The following PCSK6 variants were observed in gnomAD, a reference collection of about 807,000 sequenced individuals.
PCSK6 encodes the protein proprotein convertase subtilisin/kexin type 6.
A neutral mutation model predicts 123.3 loss-of-function variants in PCSK6; 85 were observed. The ratio of observed to expected loss-of-function variants is 0.69; its 90% CI spans 0.58 to 0.83. PCSK6 has a LOEUF of 0.83. Among genes scored for constraint, PCSK6 ranks in the 40% least tolerant of loss-of-function variants. PCSK6 has a pLI of 0.00. For synonymous variants in PCSK6, 508 were observed against 516.0 expected, an observed-to-expected ratio of 0.98 and a Z score of 0.21; for missense variants, 1,191 against 1,282.3, an observed-to-expected ratio of 0.93 and a Z score of 1.09.
At chr15:101,388,097 C>CA (rs2042122622) in intron 9 of PCSK6, among the ~76,000 whole-genome samples, 1 of 152,110 alleles carries the variant, frequency 6.6e-6, no homozygotes. Context: ...TGCATGTTTC[C>CA]AATAAGGAAT....
chr15:101,338,268 A>G (rs1273183625), intron 13 of PCSK6, among the ~76,000 whole-genome samples: 1 of 152,186 alleles, frequency 6.6e-6, no homozygotes, highest in South Asian at 2.1e-4. Flanking sequence ...GTGACTTAGG[A>G]TAACAGACTA....
chr15:101,489,132 T>G (rs1174269774), intron 1 of PCSK6, among the ~76,000 whole-genome samples: 1 of 142,610 alleles, frequency 7.0e-6, no homozygotes, highest in Non-Finnish European at 1.5e-5. Flanking sequence ...GCGCCGGACC[T>G]GCGTGGGCGC....
intron 10 of PCSK6, among the ~76,000 whole-genome samples, chr15:101,383,303 A>T (rs767671325): frequency 1.6e-4 from 24 of 148,994 alleles, no homozygotes; most frequent in Non-Finnish European, 3.4e-4. Context: ...GCTACTCGGG[A>T]GGGATTATTT....
Position 101,489,533 on chromosome 15 carries a change from C to G in PCSK6, c.138G>C (p.Pro46=). The G allele has an allele frequency of 2.0e-6, 2 of 1,007,544 alleles. No individual in the cohort carries two copies. Among genetic ancestry groups the G allele is most frequent in the Non-Finnish European group, 2.4e-6 (2 of 846,972 alleles). The allele number at this position is 1,007,544 out of a possible 1,614,324, so 62.4% of individuals were successfully genotyped here. The change falls in exon 1 of 22, where the codon CCG becomes CCC. Residue 46 remains proline (P), a synonymous_variant. Transcript: ENST00000611716. ...GCAGCAGCAGCCAGCGCCAGGGACG[C>G]GGCGCGAGCGGCCGGAACCCGGGCC... ...AGGPGFRPLA[P]RPWRWLLLLA...
intron 13 of PCSK6, among the ~76,000 whole-genome samples, chr15:101,333,401 C>A (rs547140550): frequency 2.6e-5 from 4 of 152,354 alleles, no homozygotes; most frequent in African/African-American, 9.6e-5. Context: ...CTGTCTCCTG[C>A]GACCCAAGCT....
intron 9 of PCSK6, among the ~76,000 whole-genome samples, 155 bp downstream of exon 9, chr15:101,389,309 T>C (rs2042157422): frequency 6.6e-6 from 1 of 152,224 alleles, no homozygotes; most frequent in Non-Finnish European, 1.5e-5. Context: ...GACGAAGCTC[T>C]GGGAGAGGGA....
intron 6 of PCSK6, among the ~76,000 whole-genome samples, chr15:101,401,526 A>T (rs1282005633): frequency 6.6e-6 from 1 of 152,164 alleles, no homozygotes; most frequent in African/African-American, 2.4e-5. Context: ...TGTCACTCAC[A>T]GTGAGCCTCG....
chr15:101,341,633 C>T (rs1032419914), intron 13 of PCSK6, among the ~76,000 whole-genome samples: 2 of 152,152 alleles, frequency 1.3e-5, no homozygotes, highest in Non-Finnish European at 2.9e-5. Flanking sequence ...GTGAAAATAC[C>T]ATTCAAAAAT....
chr15:101,383,590 T>A (rs1293052060), intron 10 of PCSK6, among the ~76,000 whole-genome samples: 3 of 152,046 alleles, frequency 2.0e-5, no homozygotes, highest in African/African-American at 7.2e-5. Context: ...GTCCTATGAT[T>A]TACTTTTATA....
chr15:101,347,706 G>A (rs1431366812), intron 13 of PCSK6: 1 of 1,612,706 alleles, frequency 6.2e-7, no homozygotes, highest in African/African-American at 1.3e-5. Flanking sequence ...CTGTCCCTCT[G>A]CAGTATTTCA....
At chr15:101,459,392 C>G (rs559627911) in intron 1 of PCSK6, among the ~76,000 whole-genome samples, 1 of 152,196 alleles carries the variant, frequency 6.6e-6, no homozygotes, top group South Asian at 2.1e-4. Context: ...AGGACAAATC[C>G]AGGCCCACCC....
At chr15:101,313,300 T>G in intron 20 of PCSK6, 76 bp downstream of exon 20, 1 of 1,610,310 alleles carries the variant, frequency 6.2e-7, no homozygotes, top group Non-Finnish European at 8.5e-7. Context: ...CTGGGGAAGA[T>G]GCTGCCAGAC....
At chr15:101,323,087 G>A (rs1195399543) in intron 17 of PCSK6, among the ~76,000 whole-genome samples, 2 of 152,188 alleles carry the variant, frequency 1.3e-5, no homozygotes, top group Non-Finnish European at 2.9e-5. Flanking sequence ...GGAAGTTTTG[G>A]GTCACCCCAA....
At chr15:101,322,696 G>A (rs766437379) in intron 17 of PCSK6, 89 bp from the exon 18 acceptor site, 64 of 818,778 alleles carry the variant, frequency 7.8e-5, no homozygotes, top group Admixed American at 5.5e-4. Flanking sequence ...ATTTCAAAGC[G>A]GGGGTGCGGG....
chr15:101,476,054 A>C (rs1329154673), intron 1 of PCSK6, among the ~76,000 whole-genome samples: 1 of 152,234 alleles, frequency 6.6e-6, no homozygotes, highest in Non-Finnish European at 1.5e-5. Context: ...TTCGGGTTCA[A>C]ATCTTGGCTC....
chr15:101,412,375 T>A (rs1410110078), intron 6 of PCSK6, among the ~76,000 whole-genome samples: 2 of 152,196 alleles, frequency 1.3e-5, no homozygotes, highest in Non-Finnish European at 2.9e-5. Flanking sequence ...CTGACAGACA[T>A]TTTATTCATT....
Position 101,336,005 on chromosome 15 carries a change from C to T in PCSK6, c.1859-3974G>A, listed in dbSNP as rs148474715. ...ACATAAAAAGGGTACAGTCAAAATA[C>T]GACATTAGAATCTTATGCAATGACT... On this transcript the variant is annotated intron_variant, in intron 13 of 21. Transcript: ENST00000611716. Among the ~76,000 whole-genome samples, 486 of 152,296 alleles carry T rather than the reference C, an allele frequency of 3.2e-3. 2 individuals carry two copies. The highest frequency in any genetic ancestry group is 5.0e-3 in the Non-Finnish European group (343 of 68,022).
At chr15:101,457,924 T>C (rs949693992) in intron 1 of PCSK6, among the ~76,000 whole-genome samples, 3 of 152,244 alleles carry the variant, frequency 2.0e-5, no homozygotes, top group African/African-American at 7.2e-5. Context: ...TCTGGCCTTA[T>C]GTCATCTCTT....
chr15:101,326,778 G>GTT (rs2040265012), intron 15 of PCSK6, among the ~76,000 whole-genome samples: 1 of 152,244 alleles, frequency 6.6e-6, no homozygotes, highest in African/African-American at 2.4e-5. Flanking sequence ...TGGGACTTGT[G>GTT]AGAGCCTGGA....
Sources: allele counts gnomAD v4.1 joint callset (sites outside exome capture counted in the v4.1 genomes callset), GRCh38; gene constraint gnomAD v4.1.1; transcripts MANE v1.5; gene names NCBI Gene and HGNC (gene_info 2026-07-23, HGNC 2026-07-21).